STX7: variants seen among roughly 807,000 people sequenced by gnomAD.
STX7 encodes syntaxin-7.
Under a neutral mutation model 39.6 loss-of-function variants are expected in STX7, and 34 were observed. The observed-to-expected ratio is 0.86, with a 90% confidence interval of 0.65 to 1.14. STX7 has a LOEUF of 1.14. Ranked by LOEUF, STX7 falls within the 50% of genes most tolerant of loss-of-function variation. The probability of loss-of-function intolerance (pLI) is 0.00; values close to 1 mark genes in which losing one functional copy is unlikely to be tolerated. For synonymous variants in STX7, 119 were observed against 99.1 expected (o/e 1.20, Z -1.19); for missense variants, 284 against 310.4 (o/e 0.92, Z 0.64).
At chr6:132,464,545 G>A (rs1562321400) in intron 8 of STX7, among the ~76,000 whole-genome samples, 1 of 141,532 alleles carries the variant, frequency 7.1e-6, no homozygotes, top group African/African-American at 2.6e-5. Context: ...GTCCTCAGAG[G>A]GAAACAAACA....
Position 132,487,337 on chromosome 6 carries a change from T to G in STX7, c.86-11675A>C, listed in dbSNP as rs1049901558. On this transcript the variant is annotated intron_variant, in intron 2 of 9. Transcript: ENST00000367941. The stretch of plus-strand genomic sequence containing the variant: ...TTCATGTCCTTTGCAGGGATATGGA[T>G]GAAGCTGGAAACCATCACTTTCAGC... Among the ~76,000 whole-genome samples the G allele has an allele frequency of 3.9e-5, 6 of 152,292 alleles. No homozygotes were observed. In the South Asian group the frequency reaches 1.2e-3, roughly 32 times the overall value.
rs1339432196 is a variant in STX7, at chr6:132,456,623, G to A, written c.*4135C>T. On this transcript the variant is annotated 3_prime_UTR_variant, in exon 10 of 10. Coordinates refer to ENST00000367941, the MANE Select transcript of STX7 (RefSeq NM_003569.3). Reference sequence around the variant, plus strand: ...CTTAGTATATGTATTTTTTATTTTGGTTGGAAAAAAATGACTTGCTTACCA... The same window carrying A: ...CTTAGTATATGTATTTTTTATTTTGATTGGAAAAAAATGACTTGCTTACCA... The A allele has an allele frequency of 6.6e-6, 1 of 152,056 alleles. No homozygotes were observed. The highest frequency in any genetic ancestry group is 2.4e-5 in the African/African-American group (1 of 41,382). The allele number at this position is 152,056 out of a possible 1,614,324, so 9.4% of individuals were successfully genotyped here.
At chr6:132,496,965 T>G (rs1260965834) in intron 2 of STX7, among the ~76,000 whole-genome samples, 2 of 152,198 alleles carry the variant, frequency 1.3e-5, no homozygotes, top group Non-Finnish European at 2.9e-5. Context: ...ACAAGGACTT[T>G]GAGCAGCACA....
intron 1 of STX7, among the ~76,000 whole-genome samples, chr6:132,505,168 G>A (rs1775666281): frequency 6.6e-6 from 1 of 152,238 alleles, no homozygotes; most frequent in Non-Finnish European, 1.5e-5. Flanking sequence ...GGCTTATTAT[G>A]ATTAAGTAAT....
At chr6:132,492,138 T>C (rs963239256) in intron 2 of STX7, among the ~76,000 whole-genome samples, 5 of 152,044 alleles carry the variant, frequency 3.3e-5, no homozygotes, top group African/African-American at 4.8e-5. Flanking sequence ...TCCTCTCCAT[T>C]CCTCTAATGG....
In STX7 at chr6:132,468,411, T is replaced by A; in HGVS notation, c.602A>T (p.Asp201Val). The A allele has an allele frequency of 6.2e-7, 1 of 1,609,024 alleles. No individual in the cohort carries two copies. Among genetic ancestry groups the A allele is most frequent in the Non-Finnish European group, 8.5e-7 (1 of 1,177,122 alleles). Residue 201 changes from aspartate (D) to valine (V), a missense_variant, in exon 8 of 10, where the codon GAT becomes GTT. Asp to Val is a radical substitution (Grantham distance 152). Transcript: ENST00000367941. ...AAGTCAGCAGGTCTTACCTATTACA[T>A]CTCCTTGTTCATGAATCATCATTCC... ...DLGMMIHEQGDVIDSIEANVE... is the reference protein window; with the variant it reads ...DLGMMIHEQGVVIDSIEANVE...
chr6:132,484,667 G>A (rs1312637340), intron 2 of STX7, among the ~76,000 whole-genome samples: 5 of 152,068 alleles, frequency 3.3e-5, no homozygotes, highest in Admixed American at 1.3e-4. Flanking sequence ...AAAAATAATG[G>A]TTAGTAAAAT....
intron 2 of STX7, among the ~76,000 whole-genome samples, chr6:132,500,580 A>G (rs1007087633): frequency 6.6e-6 from 1 of 152,178 alleles, no homozygotes; most frequent in African/African-American, 2.4e-5. Flanking sequence ...TCTTTACAGA[A>G]AGTTAAGTTG....
intron 3 of STX7, among the ~76,000 whole-genome samples, chr6:132,472,933 GGATCACT>G (rs1774770493): frequency 6.6e-6 from 1 of 152,132 alleles, no homozygotes; most frequent in Non-Finnish European, 1.5e-5. Context: ...CGAGGCAGGC[GGATCACT>G]TGAGGCCAGG....
intron 4 of STX7, 82 bp from the exon 5 acceptor site, chr6:132,471,682 C>T (rs1774727553): frequency 1.3e-6 from 2 of 1,529,306 alleles, no homozygotes; most frequent in East Asian, 2.3e-5. Flanking sequence ...CTTTATTTAA[C>T]CCTGAAGTTT....
At chr6:132,511,955 T>G (rs919355545) in intron 1 of STX7, among the ~76,000 whole-genome samples, 2 of 152,188 alleles carry the variant, frequency 1.3e-5, no homozygotes, top group Non-Finnish European at 2.9e-5. Context: ...TAATATGGTA[T>G]CATATTAACC....
At chr6:132,486,372 G>C (rs896607245) in intron 2 of STX7, among the ~76,000 whole-genome samples, 1 of 152,180 alleles carries the variant, frequency 6.6e-6, no homozygotes, top group Non-Finnish European at 1.5e-5. Flanking sequence ...TCAGGTTAAA[G>C]AGCTCACTTC....
intron 1 of STX7, among the ~76,000 whole-genome samples, chr6:132,512,334 T>C (rs1775868113): frequency 6.6e-6 from 1 of 152,166 alleles, no homozygotes; most frequent in South Asian, 2.1e-4. Flanking sequence ...AATGCAACTT[T>C]TTTTCTTTGT....
At chr6:132,477,852 G>A (rs1774912366) in intron 2 of STX7, among the ~76,000 whole-genome samples, 1 of 152,088 alleles carries the variant, frequency 6.6e-6, no homozygotes, top group African/African-American at 2.4e-5. Context: ...TTTGGTAACA[G>A]AACAACAGCC....
chr6:132,467,006 C>T (rs1475244049), intron 8 of STX7, among the ~76,000 whole-genome samples: 2 of 152,156 alleles, frequency 1.3e-5, no homozygotes, highest in Admixed American at 6.5e-5. Context: ...CCATCCTAAT[C>T]CAAGCCAACA....
intron 1 of STX7, 109 bp from the exon 2 acceptor site, chr6:132,503,697 T>A: frequency 2.2e-6 from 1 of 457,490 alleles, no homozygotes; most frequent in Non-Finnish European, 3.8e-6. Flanking sequence ...TCTAATAGAG[T>A]TGAAATCTGG....
intron 2 of STX7, among the ~76,000 whole-genome samples, chr6:132,479,790 A>AT (rs1414383330): frequency 3.7e-4 from 57 of 152,206 alleles, no homozygotes; most frequent in African/African-American, 1.3e-3. Flanking sequence ...TTTTGTATTA[A>AT]TTTTTTCATT....
At chr6:132,473,076 T>G (rs1161412759) in intron 3 of STX7, among the ~76,000 whole-genome samples, 1 of 152,112 alleles carries the variant, frequency 6.6e-6, no homozygotes, top group East Asian at 1.9e-4. Context: ...GAAGAATCAC[T>G]TGAACATGGG....
chr6:132,493,417 A>C (rs992196248), intron 2 of STX7, among the ~76,000 whole-genome samples: 2 of 152,186 alleles, frequency 1.3e-5, no homozygotes, highest in African/African-American at 4.8e-5. Flanking sequence ...AGAGGGACCC[A>C]GTGGGAGATA....
Sources: allele counts gnomAD v4.1 joint callset (sites outside exome capture counted in the v4.1 genomes callset), GRCh38; gene constraint gnomAD v4.1.1; transcripts MANE v1.5; gene names NCBI Gene and HGNC (gene_info 2026-07-23, HGNC 2026-07-21).